The following SNTG1 variants were observed in gnomAD, a reference collection of about 807,000 sequenced individuals.
The protein encoded by SNTG1 is gamma-1-syntrophin.
Under a neutral mutation model 74.7 loss-of-function variants are expected in SNTG1, and 39 were observed. That is an observed-to-expected ratio of 0.52 (90% confidence interval 0.40 to 0.68). SNTG1 has a LOEUF of 0.68. Among genes scored for constraint, SNTG1 ranks in the 30% least tolerant of loss-of-function variants. SNTG1 has a pLI of 0.00. For synonymous variants in SNTG1, 254 were observed against 217.1 expected, an observed-to-expected ratio of 1.17 and a Z score of -1.49; for missense variants, 685 against 609.5, an observed-to-expected ratio of 1.12 and a Z score of -1.30.
At chr8:50,649,480 CAG>C (rs1274843826) in intron 13 of SNTG1, among the ~76,000 whole-genome samples, 1 of 152,126 alleles carries the variant, frequency 6.6e-6, no homozygotes, top group Non-Finnish European at 1.5e-5. Flanking sequence ...GCCTGGGTGA[CAG>C]AGGGAGACTC....
intron 2 of SNTG1, among the ~76,000 whole-genome samples, chr8:50,188,296 T>C (rs1016343731): frequency 6.6e-6 from 1 of 152,098 alleles, no homozygotes; most frequent in Non-Finnish European, 1.5e-5. Flanking sequence ...TCATGAATCA[T>C]TGTAGTCCCC....
chr8:50,557,170 G>A (rs911677118), intron 12 of SNTG1, among the ~76,000 whole-genome samples: 1 of 148,814 alleles, frequency 6.7e-6, no homozygotes, highest in Non-Finnish European at 1.5e-5. Context: ...CCCTCCTACA[G>A]TATCAGGCGG....
chr8:50,546,499 A>G (rs1205105417), intron 11 of SNTG1, among the ~76,000 whole-genome samples: 2 of 151,800 alleles, frequency 1.3e-5, no homozygotes, highest in Non-Finnish European at 2.9e-5. Context: ...GTCATTTAGC[A>G]TTAGGTATAT....
At position 50,696,574 on chromosome 8, in the gene SNTG1, A is replaced by C. The variant is rs140636884; in HGVS notation, c.1039-8026A>C. Among the ~76,000 whole-genome samples, 332 of 152,090 alleles carry C rather than the reference A, an allele frequency of 2.2e-3. 2 individuals are homozygous for C. The highest frequency in any genetic ancestry group is 7.6e-3 in the African/African-American group (315 of 41,530). ...TTCTTCTAGGATATTAATAGTTTCG[A>C]ATCTTATGGTCTTTAATTCATCTTG... On this transcript the variant is annotated intron_variant, in intron 15 of 18. Coordinates refer to ENST00000642720, the MANE Select transcript of SNTG1 (RefSeq NM_018967.5).
intron 11 of SNTG1, 38 bp from the exon 12 acceptor site, chr8:50,553,012 C>T: frequency 6.2e-7 from 1 of 1,610,290 alleles, no homozygotes; most frequent in African/African-American, 1.3e-5. Flanking sequence ...AGATCAATGA[C>T]ATGAGGTTTT....
intron 5 of SNTG1, among the ~76,000 whole-genome samples, chr8:50,447,206 C>T (rs2093415569): frequency 6.6e-6 from 1 of 152,042 alleles, no homozygotes; most frequent in South Asian, 2.1e-4. Context: ...CTCTGGACAC[C>T]AAGAATAGGT....
At chr8:50,203,626 T>C (rs1363042602) in intron 2 of SNTG1, among the ~76,000 whole-genome samples, 1 of 152,144 alleles carries the variant, frequency 6.6e-6, no homozygotes, top group Non-Finnish European at 1.5e-5. Flanking sequence ...ATGTGAAACA[T>C]ATACCTTTTA....
intron 1 of SNTG1, among the ~76,000 whole-genome samples, chr8:50,036,862 T>C (rs1042444333): frequency 6.6e-6 from 1 of 152,204 alleles, no homozygotes; most frequent in Non-Finnish European, 1.5e-5. Context: ...ACAGTAGGCA[T>C]TGTTCACTAG....
At chr8:50,696,634 G>C (rs1053563182) in intron 15 of SNTG1, among the ~76,000 whole-genome samples, 1 of 151,778 alleles carries the variant, frequency 6.6e-6, no homozygotes, top group African/African-American at 2.4e-5. Context: ...ATAGGAGTCT[G>C]GTTTCATTTT....
At chr8:50,428,125 A>T (rs2093186947) in intron 4 of SNTG1, among the ~76,000 whole-genome samples, 1 of 152,134 alleles carries the variant, frequency 6.6e-6, no homozygotes, top group South Asian at 2.1e-4. Flanking sequence ...ACCAGCCTAG[A>T]CAACATAAAC....
At chr8:50,309,283 G>A (rs114995810) in intron 2 of SNTG1, among the ~76,000 whole-genome samples, 1,598 of 152,018 alleles carry the variant, frequency 0.011, 30 homozygotes, top group African/African-American at 0.037. Flanking sequence ...TAAGAGGGAA[G>A]CCGCGTATTT....
rs16915162 is a variant in SNTG1, at chr8:50,655,999, C to T, written c.850-910C>T. ...AGCACAAGATACTAAGCTAACTCTA[C>T]TTGCGACACATTCATTAATATCCTA... is the stretch of plus-strand genomic sequence containing the variant. On this transcript the variant is annotated intron_variant, in intron 13 of 18. Coordinates refer to ENST00000642720, the MANE Select transcript of SNTG1 (RefSeq NM_018967.5). 5.6e-3 allele frequency among the ~76,000 whole-genome samples: 846 copies of T among 152,148 alleles called. 7 individuals are homozygous for T. The highest frequency in any genetic ancestry group is 0.019 in the African/African-American group (802 of 41,532).
At chr8:50,785,294 T>C (rs1188495165) in intron 18 of SNTG1, among the ~76,000 whole-genome samples, 1 of 151,900 alleles carries the variant, frequency 6.6e-6, no homozygotes, top group Non-Finnish European at 1.5e-5. Flanking sequence ...AAACTTTAAC[T>C]AGATAACCAA....
chr8:50,365,867 A>C (rs2092094435), intron 2 of SNTG1, among the ~76,000 whole-genome samples: 1 of 152,158 alleles, frequency 6.6e-6, no homozygotes, highest in African/African-American at 2.4e-5. Context: ...TTGCTAACAT[A>C]AATTATTTTG....
chr8:50,525,861 C>T (rs113320619), intron 9 of SNTG1, among the ~76,000 whole-genome samples: 2,988 of 150,486 alleles, frequency 0.02, 110 homozygotes, highest in African/African-American at 0.069. Flanking sequence ...ACTTGGTTTT[C>T]GGTGGTTTAT....
intron 9 of SNTG1, among the ~76,000 whole-genome samples, chr8:50,526,383 C>T (rs1054368000): frequency 2.6e-5 from 4 of 152,104 alleles, no homozygotes; most frequent in African/African-American, 9.7e-5. Flanking sequence ...AGTGGAAGGG[C>T]TGTCATGGGT....
At chr8:50,210,757 G>A (rs2084482677) in intron 2 of SNTG1, among the ~76,000 whole-genome samples, 1 of 152,108 alleles carries the variant, frequency 6.6e-6, no homozygotes, top group Non-Finnish European at 1.5e-5. Flanking sequence ...TGTTGAGTTT[G>A]TACCACTCAA....
chr8:49,972,206 A>T (rs1811751452), intron 1 of SNTG1, among the ~76,000 whole-genome samples: 1 of 152,214 alleles, frequency 6.6e-6, no homozygotes, highest in African/African-American at 2.4e-5. Context: ...CTCAGAAATA[A>T]TGCCGCATAT....
At position 50,435,495 on chromosome 8, in the gene SNTG1, G is replaced by A. The variant is rs979447746; in HGVS notation, c.163-3048G>A. On this transcript the variant is annotated intron_variant, in intron 4 of 18. Transcript: ENST00000642720. ...TTTTATTACGTCTATTTTGGGAGGAGGAAAGAAGCAGAGGTGTAAGGGGAT... is the reference window on the plus strand; with the variant it reads ...TTTTATTACGTCTATTTTGGGAGGAAGAAAGAAGCAGAGGTGTAAGGGGAT... Among the ~76,000 whole-genome samples the A allele has an allele frequency of 2.6e-5, 4 of 152,084 alleles. No individual in the cohort carries two copies. In the East Asian group the frequency reaches 7.7e-4, roughly 29 times the overall value.
Sources: allele counts gnomAD v4.1 joint callset (sites outside exome capture counted in the v4.1 genomes callset), GRCh38; gene constraint gnomAD v4.1.1; transcripts MANE v1.5; gene names NCBI Gene and HGNC (gene_info 2026-07-23, HGNC 2026-07-21).